Variants in AMMECR1 observed in about 807,000 individuals in gnomAD.
The protein encoded by AMMECR1 is nuclear protein AMMECR1.
AMMECR1 carries 3 observed loss-of-function variants against 22.5 expected under a neutral mutation model. That is an observed-to-expected ratio of 0.13 (90% confidence interval 0.06 to 0.35). The LOEUF (loss-of-function observed/expected upper bound fraction) is 0.35, where lower values mean the gene tolerates loss of function less well. Ranked by LOEUF, AMMECR1 falls within the 10% of genes least tolerant of loss-of-function variation. The pLI is 1.00. For missense variants in AMMECR1, 235 were observed against 278.7 expected (o/e 0.84, Z 1.12); for synonymous variants, 130 against 116.7 (o/e 1.11, Z -0.74).
chrX:110,233,438 T>A (rs1036966154), intron 2 of AMMECR1, among the ~76,000 whole-genome samples: 1 of 112,206 alleles, frequency 8.9e-6, no homozygotes, highest in African/African-American at 3.2e-5. Context: ...TCTGAAACTA[T>A]GCCAATCAAT....
chrX:110,245,926 T>C (rs1279399581), intron 2 of AMMECR1, among the ~76,000 whole-genome samples: 1 of 111,960 alleles, frequency 8.9e-6, no homozygotes, highest in African/African-American at 3.2e-5. Flanking sequence ...AAATAATATA[T>C]GGACAGTAGT....
intron 2 of AMMECR1, among the ~76,000 whole-genome samples, chrX:110,228,335 G>C (rs1379538607): frequency 2.7e-5 from 3 of 111,065 alleles, no homozygotes; most frequent in Non-Finnish European, 5.7e-5. Context: ...TAAAGTCATG[G>C]GGTCAAGCAA....
chrX:110,352,266 A>T lies in AMMECR1; in HGVS notation c.-147-34417T>A, dbSNP rs1209230396. On this transcript the variant is annotated intron_variant, in intron 2 of 7. Coordinates refer to the AMMECR1 transcript ENST00000372057. Reference sequence around the variant, plus strand: ...TACATGTTCACACAAAAACTTGGATATGAATGTTCATGGCTGCATTATAGC... The same window carrying T: ...TACATGTTCACACAAAAACTTGGATTTGAATGTTCATGGCTGCATTATAGC... 1.9e-4 allele frequency among the ~76,000 whole-genome samples: 21 copies of T among 112,343 alleles called. No individual in the cohort carries two copies. In the Admixed American group the frequency reaches 2.0e-3, roughly 11 times the overall value.
At chrX:110,202,394 A>T (rs2067401403) in intron 4 of AMMECR1, 52 bp downstream of exon 4, 1 of 965,380 alleles carries the variant, frequency 1.0e-6, no homozygotes, top group Non-Finnish European at 1.5e-6. Flanking sequence ...TTCAGTTTGT[A>T]TATTTGTTTA....
rs139564635 is a variant in AMMECR1, at chrX:110,432,613, C to T, written c.-293-5810G>A. On this transcript the variant is annotated intron_variant, in intron 1 of 7. Coordinates refer to the AMMECR1 transcript ENST00000372057. The stretch of plus-strand genomic sequence containing the variant: ...CTGTATTGTGTGCTGGCTGCAGCCT[C>T]GCTGCTCTGAAACCCCTCCTGTCCC... Among the ~76,000 whole-genome samples, 162 of 112,204 alleles carry T rather than the reference C, an allele frequency of 1.4e-3. 3 individuals are homozygous for T. In the East Asian group the frequency reaches 0.031, roughly 21 times the overall value.
intron 2 of AMMECR1, among the ~76,000 whole-genome samples, chrX:110,231,086 C>G (rs1462125645): frequency 8.9e-6 from 1 of 112,136 alleles, no homozygotes; most frequent in Non-Finnish European, 1.9e-5. Flanking sequence ...GAGAATGGAA[C>G]CAAGTTGGAA....
At chrX:110,323,358 A>T (rs1295144425) in intron 2 of AMMECR1, among the ~76,000 whole-genome samples, 1 of 111,984 alleles carries the variant, frequency 8.9e-6, no homozygotes, top group African/African-American at 3.3e-5. Flanking sequence ...GGACACTTTC[A>T]TCACCCCAAA....
At chrX:110,291,254 G>A (rs2067906816) in intron 1 of AMMECR1, among the ~76,000 whole-genome samples, 1 of 111,662 alleles carries the variant, frequency 9.0e-6, no homozygotes, top group Admixed American at 9.5e-5. Flanking sequence ...CGGGCGTGGT[G>A]GCTCATGCTG....
rs759920680 is a variant in AMMECR1, at chrX:110,325,132, G to A, written c.-147-7283C>T. ...GCTATCTGGTCCTGGGCTTTTCTTT[G>A]TTGGGAGTTTTAAAATTCATTTATT... On this transcript the variant is annotated intron_variant, in intron 2 of 7. Transcript: ENST00000372057. Among the ~76,000 whole-genome samples, 5 of 111,528 alleles carry A rather than the reference G, an allele frequency of 4.5e-5. No individual in the cohort carries two copies. In the South Asian group the frequency reaches 1.1e-3, roughly 25 times the overall value.
In AMMECR1 at chrX:110,265,478, G is replaced by A. The variant is rs141244762; in HGVS notation, c.474-879C>T. Among the ~76,000 whole-genome samples the A allele has an allele frequency of 3.9e-4, 44 of 111,904 alleles. No individual in the cohort carries two copies. In the East Asian group the frequency reaches 0.011, roughly 27 times the overall value. The stretch of plus-strand genomic sequence containing the variant: ...ATAACAAAATATCATCAAGAATAAC[G>A]TGGTTTTAGATGAAGTTTAATACAG... On this transcript the variant is annotated intron_variant, in intron 1 of 5. Coordinates refer to ENST00000262844, the MANE Select transcript of AMMECR1 (RefSeq NM_015365.3).
intron 1 of AMMECR1, among the ~76,000 whole-genome samples, chrX:110,293,061 G>A (rs1400520550): frequency 8.9e-6 from 1 of 112,238 alleles, no homozygotes; most frequent in Non-Finnish European, 1.9e-5. Flanking sequence ...AAAAAAAGAT[G>A]TAGAAAAGTA....
At chrX:110,438,434 A>C (rs2068855139) in intron 1 of AMMECR1, among the ~76,000 whole-genome samples, 1 of 111,496 alleles carries the variant, frequency 9.0e-6, no homozygotes, top group African/African-American at 3.3e-5. Flanking sequence ...CAGAATCCGT[A>C]ATCTGCCCCC....
chrX:110,327,705 G>T (rs764926296), intron 2 of AMMECR1, among the ~76,000 whole-genome samples: 4 of 111,635 alleles, frequency 3.6e-5, no homozygotes, highest in African/African-American at 1.3e-4. Flanking sequence ...TTTAATTAGC[G>T]ATAGTTCCTA....
chrX:110,256,571 G>A (rs966707906), intron 2 of AMMECR1, among the ~76,000 whole-genome samples: 3 of 111,646 alleles, frequency 2.7e-5, no homozygotes, highest in Non-Finnish European at 5.7e-5. Context: ...GAGAGAGAAT[G>A]TAAGAAAAAC....
At chrX:110,268,592 T>C (rs1602844720) in intron 1 of AMMECR1, among the ~76,000 whole-genome samples, 1 of 112,113 alleles carries the variant, frequency 8.9e-6, no homozygotes, top group African/African-American at 3.2e-5. Flanking sequence ...AACCACGTTG[T>C]ACAGGGCAAT....
chrX:110,276,844 C>G (rs996861494), intron 1 of AMMECR1, among the ~76,000 whole-genome samples: 2 of 111,534 alleles, frequency 1.8e-5, no homozygotes, highest in Non-Finnish European at 3.8e-5. Flanking sequence ...CTCCAGTACT[C>G]TGCTCCATAA....
chrX:110,291,266 T>TA (rs2067906972), intron 1 of AMMECR1, among the ~76,000 whole-genome samples: 1 of 111,559 alleles, frequency 9.0e-6, no homozygotes, highest in Admixed American at 9.5e-5. Flanking sequence ...CTCATGCTGG[T>TA]AATCCCAACA....
intron 1 of AMMECR1, among the ~76,000 whole-genome samples, chrX:110,271,467 C>T (rs768548815): frequency 8.9e-6 from 1 of 112,161 alleles, no homozygotes; most frequent in African/African-American, 3.2e-5. Flanking sequence ...TCACCACAGA[C>T]ATACAATCAG....
chrX:110,272,634 T>C (rs906046107), intron 1 of AMMECR1, among the ~76,000 whole-genome samples: 6 of 111,819 alleles, frequency 5.4e-5, no homozygotes, highest in African/African-American at 2.0e-4. Context: ...TTGAACTGGA[T>C]AGGTAATTTT....
Sources: gnomAD v4.1 joint callset for allele counts (sites outside exome capture counted in the v4.1 genomes callset) on GRCh38, gnomAD v4.1.1 for gene constraint, MANE v1.5 for transcripts, NCBI Gene and HGNC (gene_info 2026-07-23, HGNC 2026-07-21) for gene names.